Variants in ROBO1 observed in about 807,000 individuals in gnomAD.
ROBO1 encodes roundabout homolog 1.
ROBO1 carries 149 observed loss-of-function variants against 195.9 expected under a neutral mutation model. That is an observed-to-expected ratio of 0.76 (90% CI 0.67 to 0.87). The LOEUF (loss-of-function observed/expected upper bound fraction) is 0.87. ROBO1 is among the 40% of genes least tolerant of loss of function. The probability of loss-of-function intolerance (pLI) is 0.00; values close to 1 mark genes in which losing one functional copy is unlikely to be tolerated. For missense variants in ROBO1, 1,933 were observed against 2,068.3 expected (o/e 0.93, Z 1.27); for synonymous variants, 816 against 733.2 (o/e 1.11, Z -1.82).
chr3:79,271,954 A>G (rs1030581824), intron 2 of ROBO1, among the ~76,000 whole-genome samples: 36 of 152,186 alleles, frequency 2.4e-4, no homozygotes, highest in African/African-American at 7.9e-4. Flanking sequence ...GTGACATGGA[A>G]ATCTATCTAA....
intron 2 of ROBO1, among the ~76,000 whole-genome samples, chr3:79,306,546 C>T (rs1042595117): frequency 1.3e-5 from 2 of 152,172 alleles, no homozygotes; most frequent in African/African-American, 4.8e-5. Flanking sequence ...TGCCCCTTAG[C>T]GTACCTGGGG....
chr3:79,530,755 C>A (rs1022949989), intron 2 of ROBO1, among the ~76,000 whole-genome samples: 39 of 128,256 alleles, frequency 3.0e-4, no homozygotes, highest in Admixed American at 5.7e-4. Context: ...CACCTTGTAA[C>A]CACACACACA....
intron 2 of ROBO1, among the ~76,000 whole-genome samples, chr3:79,486,133 A>G (rs1939146922): frequency 6.6e-6 from 1 of 152,218 alleles, no homozygotes; most frequent in South Asian, 2.1e-4. Flanking sequence ...TAAAGATTCA[A>G]TAAAAGCTCT....
intron 3 of ROBO1, among the ~76,000 whole-genome samples, chr3:78,998,819 C>T (rs1200493914): frequency 6.6e-6 from 1 of 152,058 alleles, no homozygotes; most frequent in Non-Finnish European, 1.5e-5. Flanking sequence ...GTTGAGAGAT[C>T]TTTCTGTCCC....
chr3:79,116,912 T>C (rs1193158903), intron 3 of ROBO1, among the ~76,000 whole-genome samples: 1 of 152,230 alleles, frequency 6.6e-6, no homozygotes, highest in East Asian at 1.9e-4. Context: ...TTTGTATAAA[T>C]GTTATTGTTG....
chr3:78,681,633 G>A (rs1055216073), intron 10 of ROBO1, among the ~76,000 whole-genome samples: 8 of 152,096 alleles, frequency 5.3e-5, no homozygotes, highest in African/African-American at 1.2e-4. Flanking sequence ...AGCCAGGCGC[G>A]GTGGCTCACG....
intron 3 of ROBO1, among the ~76,000 whole-genome samples, chr3:78,996,344 A>AAC (rs1553652440): frequency 1.3e-5 from 2 of 149,476 alleles, no homozygotes; most frequent in African/African-American, 4.9e-5. Context: ...AAAAAACAAA[A>AAC]AAAAAAAACT....
chr3:79,697,133 C>T (rs1378765006), intron 1 of ROBO1, among the ~76,000 whole-genome samples: 1 of 151,328 alleles, frequency 6.6e-6, no homozygotes, highest in East Asian at 1.9e-4. Context: ...ACTACCCAGC[C>T]AGTAATAACT....
In ROBO1 at chr3:79,741,955, T is replaced by C. The variant is rs547860509; in HGVS notation, c.-51+25797A>G. ...AACTTGCAAGTGATGATTTAGGGTATCTGGTGGTTATATTTCTAAGCAGCA... is the reference window on the plus strand; with the variant it reads ...AACTTGCAAGTGATGATTTAGGGTACCTGGTGGTTATATTTCTAAGCAGCA... On this transcript the variant is annotated intron_variant, in intron 1 of 30. Transcript: ENST00000464233. Among the ~76,000 whole-genome samples the C allele has an allele frequency of 1.6e-4, 24 of 152,292 alleles. No individual in the cohort carries two copies. In the South Asian group the frequency reaches 4.6e-3, roughly 29 times the overall value.
intron 1 of ROBO1, among the ~76,000 whole-genome samples, chr3:79,713,813 G>A (rs899301464): frequency 6.6e-6 from 1 of 152,024 alleles, no homozygotes; most frequent in Non-Finnish European, 1.5e-5. Context: ...TCTACATATG[G>A]CTAGCCAGTT....
At chr3:79,414,590 A>G (rs983624670) in intron 2 of ROBO1, among the ~76,000 whole-genome samples, 2 of 152,128 alleles carry the variant, frequency 1.3e-5, no homozygotes, top group Non-Finnish European at 2.9e-5. Flanking sequence ...CATTACATTT[A>G]TTCCTTTTTA....
At chr3:79,432,143 G>C (rs2038704553) in intron 2 of ROBO1, among the ~76,000 whole-genome samples, 1 of 151,984 alleles carries the variant, frequency 6.6e-6, no homozygotes, top group African/African-American at 2.4e-5. Context: ...TTATTGTAAA[G>C]AAAGATACAG....
intron 2 of ROBO1, among the ~76,000 whole-genome samples, chr3:79,214,260 A>G (rs186592192): frequency 1.3e-5 from 2 of 152,158 alleles, no homozygotes; most frequent in Admixed American, 6.5e-5. Context: ...AATAAACAGC[A>G]AACAGTTTAT....
At chr3:78,835,347 GAC>G (rs1396266211) in intron 4 of ROBO1, among the ~76,000 whole-genome samples, 4 of 152,086 alleles carry the variant, frequency 2.6e-5, no homozygotes, top group Non-Finnish European at 4.4e-5. Context: ...TGCTAGTAAA[GAC>G]ACAGAAAAGC....
At chr3:79,683,576 C>T (rs1440850161) in intron 1 of ROBO1, among the ~76,000 whole-genome samples, 1 of 152,062 alleles carries the variant, frequency 6.6e-6, no homozygotes. Context: ...AACAAACAAA[C>T]AAACATGCCC....
In ROBO1 at chr3:79,387,544, G is replaced by T. The variant is rs548482016; in HGVS notation, c.88+202280C>A. Among the ~76,000 whole-genome samples the T allele has an allele frequency of 4.6e-5, 7 of 151,700 alleles. No homozygotes were observed. In the South Asian group the frequency reaches 1.5e-3, roughly 32 times the overall value. On this transcript the variant is annotated intron_variant, in intron 2 of 30. Transcript: ENST00000464233. ...TGTTAGTAAAATGCCATCATGGTTA[G>T]CAAGTCTTTTTAAAAAGGGCTTATT... is the stretch of plus-strand genomic sequence containing the variant.
rs1462673254 is a variant in ROBO1 at position 79,540,861 on chromosome 3, C to T, written c.88+48963G>A. 2.6e-5 allele frequency among the ~76,000 whole-genome samples: 4 copies of T among 152,036 alleles called. No individual in the cohort carries two copies. The East Asian group carries it at 7.7e-4, about 29-fold the overall frequency. ...CATGTCTACGTAATATTTTTTACAT[C>T]CTGTGTATAATCTTAGATTTTAAAA... is the stretch of plus-strand genomic sequence containing the variant. On this transcript the variant is annotated intron_variant, in intron 2 of 30. Transcript: ENST00000464233.
intron 2 of ROBO1, among the ~76,000 whole-genome samples, chr3:79,565,693 T>C (rs1943067099): frequency 6.6e-6 from 1 of 152,052 alleles, no homozygotes; most frequent in Non-Finnish European, 1.5e-5. Flanking sequence ...GGCTGACCAA[T>C]TGTAGGGTCC....
chr3:78,905,351 G>A (rs938613777), intron 4 of ROBO1, among the ~76,000 whole-genome samples: 1 of 152,114 alleles, frequency 6.6e-6, no homozygotes, highest in African/African-American at 2.4e-5. Context: ...CAACTCTGCT[G>A]ATGGGATTGG....
Sources: allele counts gnomAD v4.1 joint callset (sites outside exome capture counted in the v4.1 genomes callset), GRCh38; gene constraint gnomAD v4.1.1; transcripts MANE v1.5; gene names NCBI Gene and HGNC (gene_info 2026-07-23, HGNC 2026-07-21).